The following AQP7B variants were observed in gnomAD, a reference collection of about 807,000 sequenced individuals.
The protein encoded by AQP7B is aquaporin 7B.
At chr2:94,594,609 CT>C in the AQP7B span, 2 of 631,206 alleles carry the variant, frequency 3.2e-6, no homozygotes, top group Admixed American at 5.3e-5. Context: ...GCTGTCCCAG[CT>C]GCCCCGGGCA....
At chr2:94,600,478 T>C in the AQP7B span, among the ~76,000 whole-genome samples, 2 of 152,106 alleles carry the variant, frequency 1.3e-5, no homozygotes, top group African/African-American at 4.8e-5. Context: ...ACACCTGTAA[T>C]CCCAGCACTC....
At chr2:94,589,620 C>T in the AQP7B span, among the ~76,000 whole-genome samples, 1 of 152,136 alleles carries the variant, frequency 6.6e-6, no homozygotes. Flanking sequence ...GGGATATTTG[C>T]CTGTTGTATA....
chr2:94,599,422 C>G, the AQP7B span, among the ~76,000 whole-genome samples: 2 of 152,174 alleles, frequency 1.3e-5, no homozygotes, highest in Non-Finnish European at 2.9e-5. Context: ...TCAGACATCC[C>G]CAAAGCTGCT....
chr2:94,604,473 T>A, the AQP7B span: 44 of 1,611,350 alleles, frequency 2.7e-5, no homozygotes, highest in African/African-American at 5.3e-4. Flanking sequence ...CATGAACCCA[T>A]GATCTCTCCC....
At chr2:94,601,593 G>A in the AQP7B span, among the ~76,000 whole-genome samples, 1 of 152,210 alleles carries the variant, frequency 6.6e-6, no homozygotes, top group Non-Finnish European at 1.5e-5. Flanking sequence ...AGGAGGGGGT[G>A]CGAGGGAAGG....
chr2:94,598,422 G>A, the AQP7B span, among the ~76,000 whole-genome samples: 2 of 152,150 alleles, frequency 1.3e-5, no homozygotes, highest in African/African-American at 4.8e-5. Context: ...TCACTGATCA[G>A]GGAGAGGAGG....
the AQP7B span, among the ~76,000 whole-genome samples, chr2:94,594,309 C>A: frequency 1.2e-3 from 189 of 152,346 alleles, no homozygotes; most frequent in African/African-American, 3.9e-3. Flanking sequence ...TGTTGCCAGG[C>A]CCTGGCCTGT....
the AQP7B span, among the ~76,000 whole-genome samples, chr2:94,601,940 G>A: frequency 2.9e-4 from 44 of 152,124 alleles, no homozygotes; most frequent in Middle Eastern, 3.4e-3. Context: ...TGGGAATGCC[G>A]CCTGAGGTCA....
At chr2:94,602,669 C>T in the AQP7B span, 2 of 1,518,058 alleles carry the variant, frequency 1.3e-6, no homozygotes, top group African/African-American at 1.4e-5. Flanking sequence ...CCCCAACAGG[C>T]TCTTTCCTGC....
At chr2:94,596,731 A>T in the AQP7B span, among the ~76,000 whole-genome samples, 1 of 151,978 alleles carries the variant, frequency 6.6e-6, no homozygotes, top group African/African-American at 2.4e-5. Flanking sequence ...ACAGGGTCTC[A>T]CTCTGTCTCC....
chr2:94,598,263 GT>G, the AQP7B span, among the ~76,000 whole-genome samples: 4 of 152,166 alleles, frequency 2.6e-5, no homozygotes, highest in Non-Finnish European at 5.9e-5. Flanking sequence ...CAGGGTGAAG[GT>G]TTTGCCAAAA....
chr2:94,588,050 T>C, the AQP7B span, among the ~76,000 whole-genome samples: 2 of 152,054 alleles, frequency 1.3e-5, no homozygotes, highest in East Asian at 3.9e-4. Flanking sequence ...CCTCATCCTG[T>C]GTGTTCACCT....
chr2:94,597,104 G>A, the AQP7B span, among the ~76,000 whole-genome samples: 54 of 152,240 alleles, frequency 3.5e-4, no homozygotes, highest in African/African-American at 1.9e-4. Context: ...TTATTAGGAC[G>A]GGTGCTCTAG....
the AQP7B span, among the ~76,000 whole-genome samples, chr2:94,592,733 C>T: frequency 6.7e-6 from 1 of 149,650 alleles, no homozygotes; most frequent in Non-Finnish European, 1.5e-5. Flanking sequence ...ATCTACTATG[C>T]TTACTATGTT....
chr2:94,596,142 C>T, the AQP7B span, among the ~76,000 whole-genome samples: 2 of 152,192 alleles, frequency 1.3e-5, no homozygotes, highest in East Asian at 1.9e-4. Flanking sequence ...AGATGGGCCA[C>T]GCAAGGTGAG....
chr2:94,596,947 G>A, the AQP7B span, among the ~76,000 whole-genome samples: 2 of 152,146 alleles, frequency 1.3e-5, no homozygotes, highest in African/African-American at 2.4e-5. Context: ...TGACCTTCCT[G>A]CCTCGGCCTC....
chr2:94,603,063 T>C, the AQP7B span: 7 of 1,597,250 alleles, frequency 4.4e-6, no homozygotes, highest in South Asian at 6.8e-5. Flanking sequence ...AGCTGTGACC[T>C]TCACTAACTG....
the AQP7B span, among the ~76,000 whole-genome samples, chr2:94,596,027 G>A: frequency 6.6e-6 from 1 of 152,246 alleles, no homozygotes; most frequent in Non-Finnish European, 1.5e-5. Context: ...AAAGGAGCCT[G>A]AGAAGGAACG....
chr2:94,596,501 G>A, the AQP7B span, among the ~76,000 whole-genome samples: 23 of 152,248 alleles, frequency 1.5e-4, no homozygotes, highest in African/African-American at 2.9e-4. Context: ...AGAGGAAATC[G>A]GAACACCAGG....
Sources: allele counts gnomAD v4.1 joint callset (sites outside exome capture counted in the v4.1 genomes callset), GRCh38; gene constraint gnomAD v4.1.1; transcripts MANE v1.5; gene names NCBI Gene and HGNC (gene_info 2026-07-23, HGNC 2026-07-21).